Variants in PID1 observed in about 807,000 individuals in gnomAD.
The protein encoded by PID1 is phosphotyrosine interaction domain containing 1, also known as PTB-containing, cubilin and LRP1-interacting protein.
A neutral mutation model predicts 19.1 loss-of-function variants in PID1; 10 were observed. That is an observed-to-expected ratio of 0.52 (90% CI 0.32 to 0.89). PID1 has a LOEUF of 0.89. Among genes scored for constraint, PID1 ranks in the 40% least tolerant of loss-of-function variants. PID1 has a pLI of 0.03. For synonymous variants in PID1, 130 were observed against 116.0 expected (o/e 1.12, Z -0.78); for missense variants, 248 against 285.3 (o/e 0.87, Z 0.94).
At chr2:229,235,859 A>T (rs1449354591) in intron 1 of PID1, among the ~76,000 whole-genome samples, 1 of 152,180 alleles carries the variant, frequency 6.6e-6, no homozygotes, top group Admixed American at 6.5e-5. Flanking sequence ...GCTTCCAGGC[A>T]TCTCGGGACG....
At chr2:229,185,241 C>T (rs1011539088) in intron 1 of PID1, among the ~76,000 whole-genome samples, 26 of 151,728 alleles carry the variant, frequency 1.7e-4, no homozygotes. Flanking sequence ...CACTTATGCA[C>T]ACAGAAGAGA....
chr2:229,225,915 G>A (rs1408973628), intron 1 of PID1, among the ~76,000 whole-genome samples: 3 of 152,156 alleles, frequency 2.0e-5, no homozygotes, highest in Non-Finnish European at 2.9e-5. Context: ...GTCCATCCCA[G>A]AACACGTGGG....
At chr2:229,199,377 T>C (rs1342761330) in intron 1 of PID1, among the ~76,000 whole-genome samples, 2 of 151,998 alleles carry the variant, frequency 1.3e-5, no homozygotes, top group African/African-American at 4.8e-5. Flanking sequence ...CCTTCCACCA[T>C]GGGAAGGGCT....
intron 1 of PID1, among the ~76,000 whole-genome samples, chr2:229,220,408 A>G (rs1236256055): frequency 1.3e-5 from 2 of 152,160 alleles, no homozygotes; most frequent in African/African-American, 4.8e-5. Flanking sequence ...ACTGATGAGG[A>G]AAATGAGTCA....
chr2:229,226,648 C>T (rs1395329880), intron 1 of PID1, among the ~76,000 whole-genome samples: 2 of 152,152 alleles, frequency 1.3e-5, no homozygotes, highest in African/African-American at 2.4e-5. Flanking sequence ...CACCAACACC[C>T]AAGTGTACGA....
intron 1 of PID1, among the ~76,000 whole-genome samples, chr2:229,160,384 T>C (rs891802135): frequency 3.3e-5 from 5 of 151,900 alleles, no homozygotes; most frequent in African/African-American, 1.2e-4. Flanking sequence ...AAAGCTAAAT[T>C]GGAGACAGGA....
At chr2:229,120,293 A>C (rs143086187) in intron 2 of PID1, among the ~76,000 whole-genome samples, 56 of 152,306 alleles carry the variant, frequency 3.7e-4, no homozygotes, top group African/African-American at 1.3e-3. Context: ...TAACATAAAA[A>C]GTTGATTAAT....
intron 2 of PID1, among the ~76,000 whole-genome samples, chr2:229,147,942 C>T (rs1574667748): frequency 6.6e-6 from 1 of 152,264 alleles, no homozygotes; most frequent in South Asian, 2.1e-4. Flanking sequence ...CAGGGATCTC[C>T]AGAGAGTCCC....
chr2:229,040,052 GT>G (rs1184321431), intron 2 of PID1, among the ~76,000 whole-genome samples: 1 of 151,386 alleles, frequency 6.6e-6, no homozygotes, highest in Non-Finnish European at 1.5e-5. Context: ...ACTATTCCAC[GT>G]GTGAAAAGGA....
At chr2:229,114,909 T>A (rs902854779) in intron 2 of PID1, among the ~76,000 whole-genome samples, 1 of 152,226 alleles carries the variant, frequency 6.6e-6, no homozygotes, top group African/African-American at 2.4e-5. Flanking sequence ...TCTTAGTCAA[T>A]GATAGACCTA....
chr2:229,078,538 TA>T (rs1201621340), intron 2 of PID1, among the ~76,000 whole-genome samples: 7 of 152,216 alleles, frequency 4.6e-5, no homozygotes, highest in Non-Finnish European at 1.0e-4. Context: ...GGGTTTGTCA[TA>T]AACAGTTCTT....
At chr2:229,163,683 G>A (rs1690540390) in intron 1 of PID1, among the ~76,000 whole-genome samples, 1 of 39,362 alleles carries the variant, frequency 2.5e-5, no homozygotes, top group African/African-American at 4.7e-5. Flanking sequence ...GTGCGTGTGC[G>A]TGTGTGTGTG....
At chr2:229,254,153 GAAC>G (rs971089618) in intron 1 of PID1, among the ~76,000 whole-genome samples, 2 of 151,934 alleles carry the variant, frequency 1.3e-5, no homozygotes, top group African/African-American at 2.4e-5. Context: ...CATTCATTAC[GAAC>G]AACAACAACA....
intron 1 of PID1, among the ~76,000 whole-genome samples, chr2:229,166,950 TGAAAA>T (rs1239624223): frequency 8.0e-6 from 1 of 124,726 alleles, no homozygotes; most frequent in Non-Finnish European, 1.6e-5. Flanking sequence ...TGAACAGTAC[TGAAAA>T]GAAAAGAAAG....
chr2:229,224,572 C>T (rs1692038597), intron 1 of PID1, among the ~76,000 whole-genome samples: 1 of 152,084 alleles, frequency 6.6e-6, no homozygotes, highest in East Asian at 1.9e-4. Context: ...TTTCCTTCCT[C>T]TTATTTTTGA....
chr2:229,099,584 T>C (rs1178869536), intron 2 of PID1, among the ~76,000 whole-genome samples: 1 of 152,166 alleles, frequency 6.6e-6, no homozygotes, highest in Non-Finnish European at 1.5e-5. Flanking sequence ...CATGTTAGAA[T>C]GGCATTCTGA....
chr2:229,202,134 C>T (rs888239835), intron 1 of PID1, among the ~76,000 whole-genome samples: 13 of 152,030 alleles, frequency 8.6e-5, no homozygotes, highest in African/African-American at 2.7e-4. Context: ...AATTGTCAAA[C>T]ATTTCTTAAA....
intron 1 of PID1, among the ~76,000 whole-genome samples, chr2:229,205,357 T>C (rs1241505891): frequency 6.6e-6 from 1 of 152,038 alleles, no homozygotes; most frequent in Non-Finnish European, 1.5e-5. Flanking sequence ...CACTAAGTAA[T>C]CTTGATTTAT....
At chr2:229,085,804 T>C (rs1694752807) in intron 2 of PID1, among the ~76,000 whole-genome samples, 1 of 152,036 alleles carries the variant, frequency 6.6e-6, no homozygotes, top group Non-Finnish European at 1.5e-5. Context: ...TACCAAATAA[T>C]ATTAATCCAC....
Sources: allele counts gnomAD v4.1 joint callset (sites outside exome capture counted in the v4.1 genomes callset), GRCh38; gene constraint gnomAD v4.1.1; transcripts MANE v1.5; gene names NCBI Gene and HGNC (gene_info 2026-07-23, HGNC 2026-07-21).